Variants in MACF1 observed in about 807,000 individuals in gnomAD.
MACF1 encodes the protein microtubule-actin cross-linking factor 1.
In MACF1, 193 loss-of-function variants were observed where a neutral mutation model predicts 854.8. The ratio of observed to expected loss-of-function variants is 0.23; its 90% CI spans 0.20 to 0.25. The LOEUF (loss-of-function observed/expected upper bound fraction) is 0.25, where lower values mean the gene tolerates loss of function less well. Among genes scored for constraint, MACF1 ranks in the 10% least tolerant of loss-of-function variants. The pLI is 1.00. For synonymous variants in MACF1, 3,185 were observed against 3,226.7 expected, an observed-to-expected ratio of 0.99 and a Z score of 0.44; for missense variants, 7,722 against 8,929.1, an observed-to-expected ratio of 0.86 and a Z score of 5.45.
chr1:39,481,120 T>C, intron 99 of MACF1, 90 bp downstream of exon 99: 1 of 751,042 alleles, frequency 1.3e-6, no homozygotes, highest in South Asian at 1.6e-5. Context: ...CACGAATCCC[T>C]GCACTCTTTC....
chr1:39,364,739 G>T (rs190258576), intron 49 of MACF1, among the ~76,000 whole-genome samples: 1 of 152,160 alleles, frequency 6.6e-6, no homozygotes, highest in Admixed American at 6.5e-5. Flanking sequence ...TGATCCGCCC[G>T]CCTCAGCCTC....
chr1:39,134,813 C>T (rs923471510), intron 2 of MACF1, among the ~76,000 whole-genome samples: 8 of 152,056 alleles, frequency 5.3e-5, no homozygotes, highest in African/African-American at 1.9e-4. Context: ...GCATTTTAGC[C>T]ATCTGTAAGG....
chr1:39,381,660 G>A (rs527981405), intron 55 of MACF1, among the ~76,000 whole-genome samples: 13 of 151,868 alleles, frequency 8.6e-5, no homozygotes, highest in South Asian at 2.1e-4. Context: ...GGGAGATCCC[G>A]TCTCTACAAA....
At chr1:39,452,976 C>T (rs1173929401) in intron 87 of MACF1, among the ~76,000 whole-genome samples, 164 bp downstream of exon 87, 1 of 152,182 alleles carries the variant, frequency 6.6e-6, no homozygotes, top group Admixed American at 6.5e-5. Flanking sequence ...GAAAGGGAAG[C>T]GACTGATGGG....
intron 2 of MACF1, among the ~76,000 whole-genome samples, chr1:39,248,602 C>CGA (rs148513098): frequency 0.25 from 37,417 of 152,104 alleles, 4,864 homozygotes; most frequent in East Asian, 0.32. Flanking sequence ...AGCCTCTACT[C>CGA]AAAATTATAG....
chr1:39,186,989 T>C (rs1311571187), intron 2 of MACF1, among the ~76,000 whole-genome samples: 1 of 151,212 alleles, frequency 6.6e-6, no homozygotes, highest in Non-Finnish European at 1.5e-5. Context: ...ATTCTTGATT[T>C]TTTTTTTTTT....
At position 39,422,419 on chromosome 1, in the gene MACF1, C is replaced by G. The variant is rs748313692; in HGVS notation, c.15862C>G (p.Gln5288Glu). The change falls in exon 59 of 101, where the codon CAG (glutamine) becomes GAG (glutamate). Residue 5288 changes from glutamine (Q) to glutamate (E), a missense_variant. Around this residue, in one of 15 missense-constraint regions of MACF1, gnomAD observed 2,807 missense variants for 3,235.8 expected, o/e 0.87. Transcript: ENST00000564288. Reference sequence around the variant, plus strand: ...GGATCCTCTTCAGATGAAATTGCAGCAGGTGAATGGACTTGGCCAGGGATT... The same window carrying G: ...GGATCCTCTTCAGATGAAATTGCAGGAGGTGAATGGACTTGGCCAGGGATT... ...QVDPLQMKLQ[Q>E]VNGLGQGLIQ... 6.2e-7 allele frequency: 1 copy of G among 1,614,042 alleles called. No homozygotes were observed. The highest frequency in any genetic ancestry group is 8.5e-7 in the Non-Finnish European group (1 of 1,179,966).
intron 52 of MACF1, among the ~76,000 whole-genome samples, chr1:39,374,072 T>A (rs1335966165): frequency 6.6e-6 from 1 of 151,666 alleles, no homozygotes; most frequent in African/African-American, 2.4e-5. Context: ...TGAAACCCCA[T>A]CTCTACTAAA....
rs144241438 is a variant in MACF1 at position 39,209,216 on chromosome 1, A to C, written c.109+4085A>C. Among the ~76,000 whole-genome samples the C allele has an allele frequency of 2.9e-4, 44 of 151,982 alleles. 1 individual carries two copies. The East Asian group carries it at 7.8e-3, about 27-fold the overall frequency. ...GCCTGGGCAACAAGAGTGAAACTCC[A>C]TCTAAAAAAAAAAAAAATCAGTAAA... On this transcript the variant is annotated intron_variant, in intron 1 of 100. Coordinates refer to ENST00000564288, the MANE Select transcript of MACF1 (RefSeq NM_001394062.1).
chr1:39,200,464 C>T (rs148834186), upstream of MACF1, among the ~76,000 whole-genome samples: 4,681 of 152,052 alleles, frequency 0.031, 115 homozygotes, highest in Middle Eastern at 0.082. Flanking sequence ...TTTGGGAGGC[C>T]GAGGCAGGTG....
chr1:39,216,862 G>T (rs147776339), intron 1 of MACF1, among the ~76,000 whole-genome samples: 7 of 152,176 alleles, frequency 4.6e-5, no homozygotes, highest in African/African-American at 1.4e-4. Context: ...ACGTAATGTA[G>T]CCCCATCTCC....
At chr1:39,128,359 A>AC (rs1642913689) in intron 2 of MACF1, among the ~76,000 whole-genome samples, 1 of 152,090 alleles carries the variant, frequency 6.6e-6, no homozygotes, top group African/African-American at 2.4e-5. Flanking sequence ...ACAGGACTGC[A>AC]CCACTGCACT....
intron 30 of MACF1, 123 bp from the exon 31 acceptor site, chr1:39,319,541 C>G (rs527765532): frequency 1.5e-6 from 1 of 645,772 alleles, no homozygotes; most frequent in African/African-American, 1.9e-5. Context: ...GTGTTTTAAC[C>G]ACCCTTTCCA....
At chr1:39,371,788 C>T (rs1162704300) in intron 51 of MACF1, among the ~76,000 whole-genome samples, 1 of 151,234 alleles carries the variant, frequency 6.6e-6, no homozygotes, top group Non-Finnish European at 1.5e-5. Flanking sequence ...TCCCTCTTGT[C>T]CATCTGGCAA....
intron 56 of MACF1, among the ~76,000 whole-genome samples, chr1:39,383,339 T>C (rs1324811175): frequency 6.6e-6 from 1 of 152,182 alleles, no homozygotes; most frequent in African/African-American, 2.4e-5. Context: ...ACTTAACAAA[T>C]ATTTTTCTAA....
At chr1:39,264,203 T>C (rs1229013126) in intron 6 of MACF1, among the ~76,000 whole-genome samples, 1 of 152,234 alleles carries the variant, frequency 6.6e-6, no homozygotes, top group Non-Finnish European at 1.5e-5. Context: ...TCTGTGTATA[T>C]GCATCCTTGT....
At chr1:39,101,370 A>AAAATG (rs1553130058) in intron 2 of MACF1, among the ~76,000 whole-genome samples, 1 of 68,988 alleles carries the variant, frequency 1.4e-5, no homozygotes, top group Admixed American at 1.8e-4. Flanking sequence ...AAAAAAAAAA[A>AAAATG]TATGTATATA....
At chr1:39,135,871 A>G (rs1643154452) in intron 2 of MACF1, among the ~76,000 whole-genome samples, 1 of 152,152 alleles carries the variant, frequency 6.6e-6, no homozygotes, top group Non-Finnish European at 1.5e-5. Context: ...GATTCTTGGA[A>G]TGGTGACATA....
intron 2 of MACF1, among the ~76,000 whole-genome samples, chr1:39,187,123 C>T (rs1043891292): frequency 2.0e-5 from 3 of 151,934 alleles, no homozygotes; most frequent in Admixed American, 6.6e-5. Flanking sequence ...ACGTTATTGC[C>T]GTTATATTCA....
Sources: gnomAD v4.1 joint callset for allele counts (sites outside exome capture counted in the v4.1 genomes callset) on GRCh38, gnomAD v4.1.1 for gene constraint, gnomAD v4.1.1 regional missense constraint, MANE v1.5 for transcripts, NCBI Gene and HGNC (gene_info 2026-07-23, HGNC 2026-07-21) for gene names.